The following ITFG2 variants were observed in gnomAD, a reference collection of about 807,000 sequenced individuals.
ITFG2 encodes KICSTOR complex protein ITFG2.
ITFG2 carries 36 observed loss-of-function variants against 54.4 expected under a neutral mutation model. The ratio of observed to expected loss-of-function variants is 0.66; its 90% CI spans 0.51 to 0.87. The LOEUF (loss-of-function observed/expected upper bound fraction) is 0.87, where lower values mean the gene tolerates loss of function less well. ITFG2 is among the 40% of genes least tolerant of loss of function. The pLI is 0.00. For synonymous variants in ITFG2, 211 were observed against 225.4 expected, an observed-to-expected ratio of 0.94 and a Z score of 0.57; for missense variants, 524 against 576.7, an observed-to-expected ratio of 0.91 and a Z score of 0.94.
chr12:2,851,040 G>A (rs2098069214), intron 2 of ITFG2, among the ~76,000 whole-genome samples: 1 of 136,330 alleles, frequency 7.3e-6, no homozygotes, highest in Non-Finnish European at 1.5e-5. Flanking sequence ...GGTGGCACGT[G>A]CCTGTAATCC....
intron 1 of ITFG2, among the ~76,000 whole-genome samples, chr12:2,815,550 A>G (rs984626186): frequency 2.0e-4 from 31 of 152,258 alleles, no homozygotes; most frequent in African/African-American, 7.5e-4. Flanking sequence ...AGGCCTTGCT[A>G]GAGGAGGGAA....
chr12:2,842,120 CTT>C (rs71057841), intron 2 of ITFG2, among the ~76,000 whole-genome samples: 1 of 108,716 alleles, frequency 9.2e-6, no homozygotes. Flanking sequence ...TCACTTGTTT[CTT>C]TTTTTTTTTT....
rs2153922673 is a variant in ITFG2, at chr12:2,812,683, C to T, written c.-78C>T. 7.9e-7 allele frequency: 1 copy of T among 1,267,448 alleles called. No individual in the cohort carries two copies. The allele number at this position is 1,267,448 out of a possible 1,614,324, so 78.5% of individuals were successfully genotyped here. A position where few individuals can be genotyped will look rare whatever the true frequency, so the allele number is the denominator to read the frequency against. On this transcript the variant is annotated 5_prime_UTR_variant, in exon 1 of 12. Transcript: ENST00000228799. ...GTAACTTGCTGCCTTAGGTGGCCTT[C>T]CGCTCTGGCGGCTGTCGCGACGGGG...
chr12:2,856,895 G>A (rs988918783), intron 2 of ITFG2: 2 of 702,668 alleles, frequency 2.8e-6, no homozygotes, highest in Admixed American at 4.0e-5. Context: ...CACTATAAGG[G>A]ACAGCCTGTA....
chr12:2,820,263 C>A, intron 5 of ITFG2, 38 bp downstream of exon 5: 1 of 1,529,902 alleles, frequency 6.5e-7, no homozygotes. Context: ...CCCCAGGGAG[C>A]TGGGAGGAAG....
intron 1 of ITFG2, among the ~76,000 whole-genome samples, chr12:2,839,347 AGACAGAGGGG>A (rs916883365): frequency 3.9e-5 from 6 of 152,212 alleles, no homozygotes; most frequent in African/African-American, 1.4e-4. Context: ...TCTAATAATG[AGACAGAGGGG>A]GAAGAAACTT....
At chr12:2,840,056 G>A (rs2098037287) in intron 1 of ITFG2, among the ~76,000 whole-genome samples, 1 of 150,280 alleles carries the variant, frequency 6.7e-6, no homozygotes, top group Non-Finnish European at 1.5e-5. Context: ...TGAGCACCAT[G>A]CACTGTGCCC....
rs775395080 is a variant in ITFG2 at position 2,824,138 on chromosome 12, AC to A, written c.1291del (p.His431IlefsTer30). ...VTRALLHQTL[Y>X]HPDQPPQCAP... is the part of the protein sequence containing the mutation. ...CGTGCCCTGCTTCACCAAACGCTCT[AC>A]CATCCAGACCAGCCACCACAGTGTG... On this transcript the variant is annotated frameshift_variant, in exon 12 of 12. Transcript: ENST00000228799. LOFTEE classifies it high-confidence loss of function. 6.2e-7 allele frequency: 1 copy of A among 1,614,024 alleles called. No homozygotes were observed. Among genetic ancestry groups the A allele is most frequent in the South Asian group, 1.1e-5 (1 of 91,068 alleles).
rs1351048351 is a variant in ITFG2 at position 2,821,290 on chromosome 12, C to T, written c.724C>T (p.Leu242=). The T allele has an allele frequency of 6.2e-7, 1 of 1,609,630 alleles. No homozygotes were observed. ...RETPAARDVV[L]HQTSGRIHNK... is the part of the protein sequence containing the mutation. The stretch of plus-strand genomic sequence containing the variant: ...GACCCCAGCTGCCCGAGACGTGGTG[C>T]TGCACCAGACATCTGGCCGTATCCA... Residue 242 remains leucine, a synonymous_variant, in exon 7 of 12, where the codon CTG becomes TTG. Coordinates refer to ENST00000228799, the MANE Select transcript of ITFG2 (RefSeq NM_018463.4).
chr12:2,851,035 C>A (rs190141629), intron 2 of ITFG2, among the ~76,000 whole-genome samples: 83 of 126,122 alleles, frequency 6.6e-4, no homozygotes, highest in African/African-American at 2.5e-3. Flanking sequence ...GGCATGGTGG[C>A]ACGTGCCTGT....
intron 1 of ITFG2, among the ~76,000 whole-genome samples, chr12:2,837,243 C>T (rs368700311): frequency 2.0e-5 from 3 of 150,302 alleles, no homozygotes; most frequent in Admixed American, 6.6e-5. Flanking sequence ...TTTGGGAGGC[C>T]GAGGCAGGCG....
At chr12:2,857,990 T>A (rs1250731570) in intron 2 of ITFG2, 1 of 152,706 alleles carries the variant, frequency 6.5e-6, no homozygotes, top group Non-Finnish European at 1.5e-5. Flanking sequence ...AAGACTTTTT[T>A]AACCAGGATT....
chr12:2,829,654 C>G (rs2097989963), downstream of ITFG2, among the ~76,000 whole-genome samples: 8 of 152,030 alleles, frequency 5.3e-5, no homozygotes, highest in South Asian at 1.7e-3. Context: ...GTAATTTTAG[C>G]TACTCAGAAG....
intron 4 of ITFG2, chr12:2,819,812 G>A (rs2097936548): frequency 3.4e-6 from 1 of 294,028 alleles, no homozygotes; most frequent in Non-Finnish European, 6.3e-6. Context: ...GCTTGTAGGT[G>A]GTGGGAGATA....
upstream of ITFG2, among the ~76,000 whole-genome samples, chr12:2,832,063 T>C (rs1342787756): frequency 6.6e-6 from 1 of 152,120 alleles, no homozygotes; most frequent in Non-Finnish European, 1.5e-5. Flanking sequence ...CTCCAAAATG[T>C]GGTCCTCAGA....
chr12:2,816,636 C>CT (rs57417012), intron 1 of ITFG2, among the ~76,000 whole-genome samples: 1,755 of 111,248 alleles, frequency 0.016, 22 homozygotes, highest in South Asian at 0.043. Flanking sequence ...GCCTTTTTTT[C>CT]TTTTTTTTTT....
At position 2,844,528 on chromosome 12, in the gene ITFG2, T is replaced by C. The variant is rs536127121; in HGVS notation, n.300+3533T>C. Among the ~76,000 whole-genome samples the C allele has an allele frequency of 3.0e-4, 46 of 152,242 alleles. No individual in the cohort carries two copies. The South Asian group carries it at 9.1e-3, about 30-fold the overall frequency. The stretch of plus-strand genomic sequence containing the variant: ...AATATCACACCACTGCACTCCAGCC[T>C]GGACAGCAGAGCAAGACCCTGTCTC... On this transcript the variant is annotated intron_variant and non_coding_transcript_variant, in intron 2 of 3. Coordinates refer to the ITFG2 transcript ENST00000537710.
chr12:2,836,770 G>C (rs930521394), upstream of ITFG2: 1 of 152,184 alleles, frequency 6.6e-6, no homozygotes, highest in Non-Finnish European at 1.5e-5. Context: ...AGAGAGAAAC[G>C]CACATGGGGA....
At chr12:2,831,989 C>A (rs1040571577), upstream of ITFG2, among the ~76,000 whole-genome samples, 2 of 152,106 alleles carry the variant, frequency 1.3e-5, no homozygotes, top group Admixed American at 1.3e-4. Context: ...AACCTGTCTC[C>A]AGACCTGTTA....
Sources: allele counts gnomAD v4.1 joint callset (sites outside exome capture counted in the v4.1 genomes callset), GRCh38; gene constraint gnomAD v4.1.1; transcripts MANE v1.5; gene names NCBI Gene and HGNC (gene_info 2026-07-23, HGNC 2026-07-21).